ARHGAP15: variants seen among roughly 807,000 people sequenced by gnomAD.
ARHGAP15 encodes rho GTPase-activating protein 15.
A neutral mutation model predicts 63.7 loss-of-function variants in ARHGAP15; 51 were observed. That is an observed-to-expected ratio of 0.80 (90% CI 0.64 to 1.01). The LOEUF (loss-of-function observed/expected upper bound fraction) is 1.01, where lower values mean the gene tolerates loss of function less well. Among genes scored for constraint, ARHGAP15 ranks in the 50% least tolerant of loss-of-function variants. The probability of loss-of-function intolerance (pLI) is 0.00; values close to 1 mark genes in which losing one functional copy is unlikely to be tolerated. For missense variants in ARHGAP15, 560 were observed against 564.6 expected (o/e 0.99, Z 0.08); for synonymous variants, 191 against 193.8 (o/e 0.99, Z 0.12).
At chr2:143,435,152 A>G (rs540272540) in intron 6 of ARHGAP15, 1 of 549,646 alleles carries the variant, frequency 1.8e-6, no homozygotes, top group Admixed American at 6.4e-5. Flanking sequence ...TGGTAAATAA[A>G]CTGTTTTAGA....
chr2:143,756,046 C>T (rs948240631), intron 13 of ARHGAP15, among the ~76,000 whole-genome samples: 1 of 151,990 alleles, frequency 6.6e-6, no homozygotes, highest in Non-Finnish European at 1.5e-5. Flanking sequence ...ACCCAAATTG[C>T]AACTGATTCT....
At chr2:143,304,538 C>G (rs931984566) in intron 6 of ARHGAP15, among the ~76,000 whole-genome samples, 5 of 151,806 alleles carry the variant, frequency 3.3e-5, no homozygotes, top group African/African-American at 1.2e-4. Context: ...CACCAACATG[C>G]CACATGTATA....
At chr2:143,308,477 AAC>A (rs4008341) in intron 6 of ARHGAP15, among the ~76,000 whole-genome samples, 81,168 of 149,046 alleles carry the variant, frequency 0.54, 22,232 homozygotes, top group Middle Eastern at 0.59. Flanking sequence ...GTTGATAAGA[AAC>A]ACACACACAC....
At chr2:143,609,898 A>C (rs1381807339) in intron 11 of ARHGAP15, among the ~76,000 whole-genome samples, 2 of 152,178 alleles carry the variant, frequency 1.3e-5, no homozygotes, top group Non-Finnish European at 2.9e-5. Flanking sequence ...TGCTCAAAAG[A>C]AAGTGAGATC....
intron 8 of ARHGAP15, among the ~76,000 whole-genome samples, chr2:143,467,418 G>T (rs1361425021): frequency 6.6e-6 from 1 of 151,602 alleles, no homozygotes. Flanking sequence ...CAATTATTTG[G>T]GTTTTTCCAG....
At chr2:143,312,321 T>C (rs895545083) in intron 6 of ARHGAP15, among the ~76,000 whole-genome samples, 4 of 152,134 alleles carry the variant, frequency 2.6e-5, no homozygotes, top group East Asian at 1.9e-4. Flanking sequence ...ATCTGAGAAG[T>C]AGCACTGAAG....
intron 11 of ARHGAP15, among the ~76,000 whole-genome samples, chr2:143,619,878 C>T (rs1698588700): frequency 6.6e-6 from 1 of 152,168 alleles, no homozygotes; most frequent in Non-Finnish European, 1.5e-5. Context: ...TTCTTCTATA[C>T]AGCCTGCAGA....
intron 8 of ARHGAP15, among the ~76,000 whole-genome samples, chr2:143,460,231 A>G (rs747974125): frequency 6.6e-6 from 1 of 152,164 alleles, no homozygotes; most frequent in South Asian, 2.1e-4. Context: ...TAGTGGAAAT[A>G]TATCTCACAA....
intron 6 of ARHGAP15, among the ~76,000 whole-genome samples, chr2:143,381,298 C>T (rs1046064021): frequency 6.6e-6 from 1 of 152,068 alleles, no homozygotes; most frequent in Non-Finnish European, 1.5e-5. Context: ...GATGCATTCC[C>T]GCCAGCTTTG....
chr2:143,287,127 C>CTG (rs909832947), intron 6 of ARHGAP15, among the ~76,000 whole-genome samples: 2 of 152,080 alleles, frequency 1.3e-5, no homozygotes, highest in African/African-American at 4.8e-5. Context: ...GTTTCTGTTT[C>CTG]TTGGCGTAAA....
chr2:143,743,420 T>C (rs943656804), intron 13 of ARHGAP15, among the ~76,000 whole-genome samples: 1 of 152,224 alleles, frequency 6.6e-6, no homozygotes, highest in Admixed American at 6.5e-5. Flanking sequence ...TTCGGTCATG[T>C]GTAGGGAAGG....
At chr2:143,377,986 A>G (rs1047221694) in intron 6 of ARHGAP15, among the ~76,000 whole-genome samples, 2 of 152,074 alleles carry the variant, frequency 1.3e-5, no homozygotes, top group Non-Finnish European at 2.9e-5. Context: ...TACACTCAGA[A>G]TGTCATAACA....
At chr2:143,730,869 A>C (rs1040241811) in intron 13 of ARHGAP15, among the ~76,000 whole-genome samples, 1 of 138,918 alleles carries the variant, frequency 7.2e-6, no homozygotes, top group Admixed American at 7.7e-5. Flanking sequence ...ATTTCAGTCC[A>C]GTCAACACCT....
At chr2:143,140,769 T>C (rs1342433369) in intron 1 of ARHGAP15, among the ~76,000 whole-genome samples, 1 of 152,168 alleles carries the variant, frequency 6.6e-6, no homozygotes, top group Non-Finnish European at 1.5e-5. Context: ...AACTCAGTCC[T>C]AATTTTGAAA....
chr2:143,491,961 A>G (rs1179690463), intron 9 of ARHGAP15, among the ~76,000 whole-genome samples: 1 of 152,046 alleles, frequency 6.6e-6, no homozygotes, highest in African/African-American at 2.4e-5. Flanking sequence ...AGCTCACTGC[A>G]ACTCCTGCCT....
intron 6 of ARHGAP15, among the ~76,000 whole-genome samples, chr2:143,404,373 A>G (rs1688110709): frequency 6.6e-6 from 1 of 151,986 alleles, no homozygotes; most frequent in African/African-American, 2.4e-5. Flanking sequence ...AATTTGATAG[A>G]GACCCTAAGA....
intron 2 of ARHGAP15, among the ~76,000 whole-genome samples, chr2:143,181,645 C>T (rs1342383215): frequency 6.6e-6 from 1 of 152,198 alleles, no homozygotes; most frequent in Non-Finnish European, 1.5e-5. Context: ...GTTTTTCCAC[C>T]TCTCTCAGCC....
chr2:143,268,027 T>C (rs921653337), intron 6 of ARHGAP15, among the ~76,000 whole-genome samples: 8 of 152,156 alleles, frequency 5.3e-5, no homozygotes, highest in Admixed American at 2.6e-4. Context: ...GAATGAGGCA[T>C]AAACCTCATT....
rs111795475 is a variant in ARHGAP15 at position 143,482,058 on chromosome 2, A to C, written c.704-5315A>C. On this transcript the variant is annotated intron_variant, in intron 8 of 13. Coordinates refer to ENST00000295095, the MANE Select transcript of ARHGAP15 (RefSeq NM_018460.4). Reference sequence around the variant, plus strand: ...TCCAATGGGAAAAGCAGAGGAAAACATAAAGGAAATATAAGTAAATTCTAG... The same window carrying C: ...TCCAATGGGAAAAGCAGAGGAAAACCTAAAGGAAATATAAGTAAATTCTAG... 2.2e-3 allele frequency among the ~76,000 whole-genome samples: 333 copies of C among 152,348 alleles called. 1 individual carries two copies. Among genetic ancestry groups the C allele is most frequent in the Non-Finnish European group, 3.6e-3 (246 of 68,032 alleles).
Sources: gnomAD v4.1 joint callset for allele counts (sites outside exome capture counted in the v4.1 genomes callset) on GRCh38, gnomAD v4.1.1 for gene constraint, MANE v1.5 for transcripts, NCBI Gene and HGNC (gene_info 2026-07-23, HGNC 2026-07-21) for gene names.